PPM1H: variants seen among roughly 807,000 people sequenced by gnomAD.
PPM1H encodes protein phosphatase 1H.
PPM1H carries 27 observed loss-of-function variants against 54.9 expected under a neutral mutation model. The observed-to-expected ratio is 0.49, with a 90% confidence interval of 0.36 to 0.68. The LOEUF is 0.68. PPM1H is among the 30% of genes least tolerant of loss of function. PPM1H has a pLI of 0.00. For missense variants in PPM1H, 596 were observed against 667.8 expected (o/e 0.89, Z 1.19); for synonymous variants, 305 against 270.8 (o/e 1.13, Z -1.24).
At chr12:62,683,679 G>T (rs559783423) in intron 8 of PPM1H, among the ~76,000 whole-genome samples, 1 of 152,338 alleles carries the variant, frequency 6.6e-6, no homozygotes, top group East Asian at 1.9e-4. Context: ...AGTCTAGCAG[G>T]GGCGGAAAGG....
At chr12:62,893,772 C>T (rs1312087292) in intron 1 of PPM1H, among the ~76,000 whole-genome samples, 4 of 152,120 alleles carry the variant, frequency 2.6e-5, no homozygotes, top group African/African-American at 9.7e-5. Context: ...CAGGTGTGAA[C>T]CACCACACCC....
At position 62,652,863 on chromosome 12, in the gene PPM1H, G is replaced by A. The variant is rs2075823667; in HGVS notation, c.1398-4227C>T. Among the ~76,000 whole-genome samples, 6 of 151,930 alleles carry A rather than the reference G, an allele frequency of 3.9e-5. No individual in the cohort carries two copies. In the South Asian group the frequency reaches 1.2e-3, roughly 31 times the overall value. On this transcript the variant is annotated intron_variant, in intron 9 of 9. Transcript: ENST00000228705. Reference sequence around the variant, plus strand: ...TTTGCTTTTTATGAAACTACTCCTTGCTTCTGGATTTAATTTCCTTCCATT... The same window carrying A: ...TTTGCTTTTTATGAAACTACTCCTTACTTCTGGATTTAATTTCCTTCCATT...
chr12:62,824,902 G>A (rs1868270774), intron 2 of PPM1H, among the ~76,000 whole-genome samples: 1 of 152,046 alleles, frequency 6.6e-6, no homozygotes, highest in African/African-American at 2.4e-5. Context: ...TAGACAAATG[G>A]AATCTAATCA....
chr12:62,817,158 A>AAAAAAAAAAAAAAAAAC (rs2076874057), intron 2 of PPM1H, among the ~76,000 whole-genome samples: 1 of 130,876 alleles, frequency 7.6e-6, no homozygotes. Flanking sequence ...AAACTAAAAA[A>AAAAAAAAAAAAAAAAAC]AAGAAAAAAA....
intron 6 of PPM1H, 126 bp downstream of exon 6, chr12:62,720,045 T>C: frequency 1.3e-6 from 1 of 799,266 alleles, no homozygotes; most frequent in Non-Finnish European, 2.0e-6. Context: ...CCCCCTTGTC[T>C]TTTACCACAA....
At chr12:62,810,448 T>G (rs1030936355) in intron 2 of PPM1H, among the ~76,000 whole-genome samples, 2 of 152,174 alleles carry the variant, frequency 1.3e-5, no homozygotes, top group African/African-American at 2.4e-5. Flanking sequence ...ACATAACCAG[T>G]ATGAAACTCA....
chr12:62,682,239 A>C (rs993281343), intron 8 of PPM1H, among the ~76,000 whole-genome samples: 1 of 152,180 alleles, frequency 6.6e-6, no homozygotes, highest in Non-Finnish European at 1.5e-5. Flanking sequence ...TCTGCATATC[A>C]TCACTCTCTT....
chr12:62,715,498 C>T lies in PPM1H; in HGVS notation c.1073+4673G>A, dbSNP rs146876442. Among the ~76,000 whole-genome samples, 29 of 152,214 alleles carry T rather than the reference C, an allele frequency of 1.9e-4. 1 individual carries two copies. The East Asian group carries it at 4.3e-3, about 22-fold the overall frequency. On this transcript the variant is annotated intron_variant, in intron 6 of 9. Coordinates refer to ENST00000228705, the MANE Select transcript of PPM1H (RefSeq NM_020700.2). The stretch of plus-strand genomic sequence containing the variant: ...AAGAGGCCAACTGCATTATGAAGGT[C>T]CTGGTGACAATAACCTTTTGTCCTC...
chr12:62,788,405 T>A, intron 3 of PPM1H, 67 bp from the exon 4 acceptor site: 1 of 995,606 alleles, frequency 1.0e-6, no homozygotes, highest in Non-Finnish European at 1.5e-6. Context: ...CTCACTTTCA[T>A]TCTCTTGACA....
At chr12:62,793,895 T>C (rs2076716007) in intron 3 of PPM1H, among the ~76,000 whole-genome samples, 1 of 152,160 alleles carries the variant, frequency 6.6e-6, no homozygotes, top group African/African-American at 2.4e-5. Flanking sequence ...ATTCTTTGTT[T>C]CCTACCAATT....
At chr12:62,884,936 A>T (rs1870533139) in intron 1 of PPM1H, among the ~76,000 whole-genome samples, 1 of 152,162 alleles carries the variant, frequency 6.6e-6, no homozygotes, top group East Asian at 1.9e-4. Flanking sequence ...GTCTATTTTC[A>T]TGCTGCTGAT....
intron 2 of PPM1H, among the ~76,000 whole-genome samples, chr12:62,820,372 C>T (rs1371616058): frequency 2.6e-5 from 4 of 152,178 alleles, no homozygotes; most frequent in Non-Finnish European, 5.9e-5. Flanking sequence ...CTTAAAAGTC[C>T]CTGTCTATGA....
chr12:62,833,449 C>A (rs946206734), intron 1 of PPM1H, among the ~76,000 whole-genome samples: 1 of 152,066 alleles, frequency 6.6e-6, no homozygotes, highest in Non-Finnish European at 1.5e-5. Flanking sequence ...ATTCCCCAAA[C>A]GGTAACATCT....
At chr12:62,867,091 G>A (rs17098451) in intron 1 of PPM1H, among the ~76,000 whole-genome samples, 22,161 of 151,920 alleles carry the variant, frequency 0.15, 1,662 homozygotes, top group Middle Eastern at 0.21. Context: ...GTTGATCCTC[G>A]AATGCTTACA....
chr12:62,924,539 C>T (rs1024098366), intron 1 of PPM1H, among the ~76,000 whole-genome samples: 2 of 152,268 alleles, frequency 1.3e-5, no homozygotes, highest in South Asian at 4.1e-4. Context: ...TAAGGAGATG[C>T]GAATTTACTA....
rs1173229360 is a variant in PPM1H, at chr12:62,658,182, A to ATTTTTTTTTTT, written c.1397+8985_1397+8995dup. Among the ~76,000 whole-genome samples, 31 of 87,532 alleles carry ATTTTTTTTTTT rather than the reference A, an allele frequency of 3.5e-4. 2 individuals carry two copies. The highest frequency in any genetic ancestry group is 8.1e-4 in the African/African-American group (18 of 22,352). The allele number at this position is 87,532 out of a possible 152,430, so 57.4% of individuals were successfully genotyped here. A position where few individuals can be genotyped will look rare whatever the true frequency, so the allele number is the denominator to read the frequency against. On this transcript the variant is annotated intron_variant, in intron 9 of 9. Coordinates refer to ENST00000228705, the MANE Select transcript of PPM1H (RefSeq NM_020700.2). ...GAGACCAGCCTGGGTAACACGGTGA[A>ATTTTTTTTTTT]TTTTTTTTTTTTTTTTTTTTTTTTT...
intron 1 of PPM1H, among the ~76,000 whole-genome samples, chr12:62,902,566 G>A (rs896968537): frequency 3.3e-5 from 5 of 152,052 alleles, no homozygotes; most frequent in East Asian, 1.9e-4. Flanking sequence ...GGGTCCCCCC[G>A]CCCCTGGGGG....
intron 4 of PPM1H, among the ~76,000 whole-genome samples, chr12:62,752,161 T>C (rs1161453795): frequency 2.6e-5 from 4 of 152,234 alleles, no homozygotes; most frequent in Non-Finnish European, 5.9e-5. Flanking sequence ...AGAATCAATT[T>C]TCCCCACTTG....
chr12:62,670,128 C>T (rs1003792904), intron 8 of PPM1H, among the ~76,000 whole-genome samples: 3 of 151,686 alleles, frequency 2.0e-5, no homozygotes, highest in Non-Finnish European at 4.4e-5. Context: ...CAGGCATGTG[C>T]CACCACGCCC....
Sources: gnomAD v4.1 joint callset for allele counts (sites outside exome capture counted in the v4.1 genomes callset) on GRCh38, gnomAD v4.1.1 for gene constraint, MANE v1.5 for transcripts, NCBI Gene and HGNC (gene_info 2026-07-23, HGNC 2026-07-21) for gene names.